NPY5R: variants seen among roughly 807,000 people sequenced by gnomAD.
The protein encoded by NPY5R is neuropeptide Y receptor Y5.
A neutral mutation model predicts 24.8 loss-of-function variants in NPY5R; 21 were observed. The ratio of observed to expected loss-of-function variants is 0.85; its 90% CI spans 0.60 to 1.22. The LOEUF is 1.22. Ranked by LOEUF, NPY5R falls within the 50% of genes most tolerant of loss-of-function variation. The pLI, the probability that NPY5R is intolerant of heterozygous loss-of-function variation, is 0.00. For missense variants in NPY5R, 481 were observed against 521.3 expected (o/e 0.92, Z 0.75); for synonymous variants, 175 against 183.0 (o/e 0.96, Z 0.35).
rs561011042 is a variant in NPY5R at position 163,348,952 on chromosome 4, T to G, written c.-9-1313T>G. ...TTCATAAGCCAAAATCTATACACAGTTTTTAAATTAATCAACAGGTGAAAT... is the reference window on the plus strand; with the variant it reads ...TTCATAAGCCAAAATCTATACACAGGTTTTAAATTAATCAACAGGTGAAAT... On this transcript the variant is annotated intron_variant, in intron 3 of 3. Coordinates refer to ENST00000338566, the MANE Select transcript of NPY5R (RefSeq NM_006174.4). Among the ~76,000 whole-genome samples, 11 of 152,224 alleles carry G rather than the reference T, an allele frequency of 7.2e-5. No individual in the cohort carries two copies. In the East Asian group the frequency reaches 1.9e-3, roughly 27 times the overall value.
In NPY5R at chr4:163,351,145, A is replaced by G. The variant is rs1463962104; in HGVS notation, c.872A>G (p.Lys291Arg). 2.5e-6 allele frequency: 4 copies of G among 1,614,038 alleles called. No individual in the cohort carries two copies. Among genetic ancestry groups the G allele is most frequent in the African/African-American group, 1.3e-5 (1 of 74,952 alleles). The change falls in exon 4 of 4, where the codon AAG becomes AGG. Residue 291 changes from lysine to arginine, a missense_variant. Physicochemically the swap from Lys to Arg is conservative, Grantham distance 26. Transcript: ENST00000338566. ...AAAAAACACAGAAGAAGATATAGCA[A>G]GAAGACAGCATGTGTGTTACCTGCT... Reference protein sequence around the residue: ...FIKKHRRRYSKKTACVLPAPE... With the variant: ...FIKKHRRRYSRKTACVLPAPE...
intron 3 of NPY5R, among the ~76,000 whole-genome samples, chr4:163,348,146 T>G (rs2110861602): frequency 6.6e-6 from 1 of 152,354 alleles, no homozygotes; most frequent in African/African-American, 2.4e-5. Context: ...AATAAACATG[T>G]ATTTTTATAG....
In NPY5R at chr4:163,351,538, C is replaced by G. The variant is rs765114666; in HGVS notation, c.1265C>G (p.Pro422Arg). The G allele has an allele frequency of 2.3e-4, 367 of 1,610,318 alleles. No homozygotes were observed. The highest frequency in any genetic ancestry group is 3.1e-4 in the Non-Finnish European group (359 of 1,176,730). Residue 422 changes from proline (P) to arginine (R), a missense_variant, in exon 4 of 4, where the codon CCA becomes CGA. Coordinates refer to ENST00000338566, the MANE Select transcript of NPY5R (RefSeq NM_006174.4). Reference sequence around the variant, plus strand: ...GGCATGATGTCCTGTTGTCTTAATCCAATTCTATATGGGTTTCTTAATAAT... The same window carrying G: ...GGCATGATGTCCTGTTGTCTTAATCGAATTCTATATGGGTTTCTTAATAAT... The part of the protein sequence containing the change: ...LLGMMSCCLN[P>R]ILYGFLNNGI...
At chr4:163,349,139 A>C (rs530732527) in intron 3 of NPY5R, among the ~76,000 whole-genome samples, 1 of 152,342 alleles carries the variant, frequency 6.6e-6, no homozygotes, top group African/African-American at 2.4e-5. Context: ...TTTGATAAAT[A>C]TATTTAATGA....
In NPY5R at chr4:163,351,038, C is replaced by A; in HGVS notation, c.765C>A (p.Ile255=). The change falls in exon 4 of 4, where the codon ATC becomes ATA. Residue 255 remains isoleucine (I), a synonymous_variant. Coordinates refer to ENST00000338566, the MANE Select transcript of NPY5R (RefSeq NM_006174.4). Reference sequence around the variant, plus strand: ...ACAGACTTGAAGAAAATGAGATGATCAACTTAACTCTTCATCCATCCAAAA... The same window carrying A: ...ACAGACTTGAAGAAAATGAGATGATAAACTTAACTCTTCATCCATCCAAAA... ...KENRLEENEM[I]NLTLHPSKKS... 1 of 1,613,982 alleles carries A rather than the reference C, an allele frequency of 6.2e-7. No individual in the cohort carries two copies. The highest frequency in any genetic ancestry group is 1.1e-5 in the South Asian group (1 of 91,046).
intron 3 of NPY5R, among the ~76,000 whole-genome samples, chr4:163,349,089 G>A (rs1460028535): frequency 1.3e-5 from 2 of 152,156 alleles, no homozygotes; most frequent in African/African-American, 4.8e-5. Context: ...ACAGAAAGAT[G>A]TCATCATCCA....
At position 163,351,240 on chromosome 4, in the gene NPY5R, C is replaced by T. The variant is rs769582817; in HGVS notation, c.967C>T (p.Leu323Phe). The change falls in exon 4 of 4, where the codon CTC becomes TTC. Residue 323 changes from leucine (L) to phenylalanine (F), a missense_variant. Leu to Phe is a conservative substitution (Grantham distance 22). Transcript: ENST00000338566. ...PENFGSVRSQ[L>F]SSSSKFIPGV... ...AAACTTTGGCTCTGTAAGAAGTCAG[C>T]TCTCTTCATCCAGTAAGTTCATACC... The T allele has an allele frequency of 2.5e-5, 41 of 1,614,048 alleles. 1 individual carries two copies. In the South Asian group the frequency reaches 4.4e-4, roughly 17 times the overall value.
At chr4:163,348,265 G>A (rs1735332955) in intron 3 of NPY5R, among the ~76,000 whole-genome samples, 1 of 152,122 alleles carries the variant, frequency 6.6e-6, no homozygotes, top group South Asian at 2.1e-4. Flanking sequence ...CTACGACAAT[G>A]TATTTATTGG....
intron 2 of NPY5R, among the ~76,000 whole-genome samples, chr4:163,346,992 T>C (rs1735281229): frequency 6.6e-6 from 1 of 152,198 alleles, no homozygotes; most frequent in Non-Finnish European, 1.5e-5. Context: ...TAAATGTATA[T>C]ATAAAGATAC....
Position 163,351,109 on chromosome 4 carries a change from A to T in NPY5R, c.836A>T (p.Tyr279Phe). The T allele has an allele frequency of 6.2e-7, 1 of 1,614,186 alleles. No individual in the cohort carries two copies. The highest frequency in any genetic ancestry group is 8.5e-7 in the Non-Finnish European group (1 of 1,180,030). Residue 279 changes from tyrosine (Y) to phenylalanine (F), a missense_variant, in exon 4 of 4, where the codon TAT becomes TTT. Transcript: ENST00000338566. ...VKLSGSHKWS[Y>F]SFIKKHRRRY... ...CTCTCTGGCAGCCATAAATGGAGTTATTCATTCATCAAAAAACACAGAAGA... is the reference window on the plus strand; with the variant it reads ...CTCTCTGGCAGCCATAAATGGAGTTTTTCATTCATCAAAAAACACAGAAGA...
Position 163,351,852 on chromosome 4 carries a change from G to T in NPY5R, c.*241G>T, listed in dbSNP as rs954866055. ...CCAATCTGTAATTTCACTTTAGAAGGTTGTATTACCTTCCACTTCCATGTT... is the reference window on the plus strand; with the variant it reads ...CCAATCTGTAATTTCACTTTAGAAGTTTGTATTACCTTCCACTTCCATGTT... On this transcript the variant is annotated 3_prime_UTR_variant, in exon 4 of 4. Transcript: ENST00000338566. 10 of 304,678 alleles carry T rather than the reference G, an allele frequency of 3.3e-5. No individual in the cohort carries two copies. The highest frequency in any genetic ancestry group is 4.4e-5 in the Non-Finnish European group (7 of 158,118). 18.9% of individuals were successfully genotyped at this position (304,678 alleles called of 1,614,324 possible). A position where few individuals can be genotyped will look rare whatever the true frequency, so the allele number is the denominator to read the frequency against.
In NPY5R at chr4:163,351,035, G is replaced by T; in HGVS notation, c.762G>T (p.Met254Ile). 6.2e-7 allele frequency: 1 copy of T among 1,614,078 alleles called. No homozygotes were observed. The highest frequency in any genetic ancestry group is 8.5e-7 in the Non-Finnish European group (1 of 1,179,974). The change falls in exon 4 of 4, where the codon ATG (methionine) becomes ATT (isoleucine). Residue 254 changes from methionine to isoleucine, a missense_variant. Coordinates refer to ENST00000338566, the MANE Select transcript of NPY5R (RefSeq NM_006174.4). ...NKENRLEENE[M>I]INLTLHPSKK... ...AAAACAGACTTGAAGAAAATGAGAT[G>T]ATCAACTTAACTCTTCATCCATCCA...
intron 1 of NPY5R, chr4:163,345,184 T>C (rs1735177790): frequency 6.6e-6 from 1 of 152,256 alleles, no homozygotes; most frequent in Admixed American, 6.5e-5. Context: ...CTTATTTAAA[T>C]GTACAAGTCA....
At chr4:163,348,637 C>T (rs1370534907) in intron 3 of NPY5R, among the ~76,000 whole-genome samples, 3 of 150,992 alleles carry the variant, frequency 2.0e-5, no homozygotes, top group Non-Finnish European at 4.4e-5. Context: ...AGAATGAGAC[C>T]CTTTTTCTAA....
intron 3 of NPY5R, chr4:163,349,275 A>G: frequency 3.5e-6 from 3 of 855,792 alleles, no homozygotes; most frequent in Non-Finnish European, 4.2e-6. Context: ...ATTCTCTCAT[A>G]AACATTTATT....
intron 3 of NPY5R, 31 bp downstream of exon 3, chr4:163,347,553 T>C (rs1208666419): frequency 6.6e-6 from 1 of 152,132 alleles, no homozygotes; most frequent in Admixed American, 6.5e-5. Context: ...CTAAGCAGGA[T>C]TGCAGTTACA....
At position 163,351,274 on chromosome 4, in the gene NPY5R, C is replaced by T. The variant is rs1578960622; in HGVS notation, c.1001C>T (p.Pro334Leu). The change falls in exon 4 of 4, where the codon CCC becomes CTC. Residue 334 changes from proline to leucine, a missense_variant. Transcript: ENST00000338566. Reference protein sequence around the residue: ...SSSSKFIPGVPTCFEIKPEEN... With the variant: ...SSSSKFIPGVLTCFEIKPEEN... ...TCCAGTAAGTTCATACCAGGGGTCC[C>T]CACTTGCTTTGAGATAAAACCTGAA... 5.6e-6 allele frequency: 9 copies of T among 1,613,992 alleles called. No homozygotes were observed. Among genetic ancestry groups the T allele is most frequent in the Non-Finnish European group, 7.6e-6 (9 of 1,179,922 alleles).
chr4:163,352,124 C>T (rs1735518170), downstream of NPY5R, among the ~76,000 whole-genome samples: 1 of 151,914 alleles, frequency 6.6e-6, no homozygotes. Context: ...AGATGTATGC[C>T]CAAATTATGA....
chr4:163,351,264 C>G lies in NPY5R; in HGVS notation c.991C>G (p.Pro331Ala), dbSNP rs1735486244. ...GCTCTCTTCATCCAGTAAGTTCATA[C>G]CAGGGGTCCCCACTTGCTTTGAGAT... Reference protein sequence around the residue: ...SQLSSSSKFIPGVPTCFEIKP... With the variant: ...SQLSSSSKFIAGVPTCFEIKP... The change falls in exon 4 of 4, where the codon CCA becomes GCA. Residue 331 changes from proline (P) to alanine (A), a missense_variant. Transcript: ENST00000338566. The G allele has an allele frequency of 6.2e-7, 1 of 1,613,908 alleles. No homozygotes were observed. The highest frequency in any genetic ancestry group is 1.3e-5 in the African/African-American group (1 of 74,918).
Sources: allele counts gnomAD v4.1 joint callset (sites outside exome capture counted in the v4.1 genomes callset), GRCh38; gene constraint gnomAD v4.1.1; transcripts MANE v1.5; gene names NCBI Gene and HGNC (gene_info 2026-07-23, HGNC 2026-07-21).